SGCZ: variants seen among roughly 807,000 people sequenced by gnomAD.
The protein encoded by SGCZ is sarcoglycan zeta.
Under a neutral mutation model 41.3 loss-of-function variants are expected in SGCZ, and 40 were observed. The ratio of observed to expected loss-of-function variants is 0.97; its 90% CI spans 0.75 to 1.26. The LOEUF (loss-of-function observed/expected upper bound fraction) is 1.26, where lower values mean the gene tolerates loss of function less well. SGCZ is among the 50% of genes most tolerant of loss of function. The probability of loss-of-function intolerance (pLI) is 0.00; values close to 1 mark genes in which losing one functional copy is unlikely to be tolerated. For missense variants in SGCZ, 552 were observed against 369.8 expected (o/e 1.49, Z -4.04); for synonymous variants, 206 against 137.5 (o/e 1.50, Z -3.49).
At chr8:14,660,567 A>G (rs1310148428) in intron 1 of SGCZ, among the ~76,000 whole-genome samples, 1 of 114,918 alleles carries the variant, frequency 8.7e-6, no homozygotes, top group South Asian at 2.8e-4. Flanking sequence ...CAAAAACTCC[A>G]TCTCAAAAAA....
chr8:14,340,862 G>C (rs548136921), intron 2 of SGCZ, among the ~76,000 whole-genome samples: 34 of 152,218 alleles, frequency 2.2e-4, no homozygotes, highest in African/African-American at 8.2e-4. Flanking sequence ...ACAATGCTGA[G>C]TAACCATCAT....
At chr8:14,739,041 T>C (rs1054706906) in intron 1 of SGCZ, among the ~76,000 whole-genome samples, 2 of 152,112 alleles carry the variant, frequency 1.3e-5, no homozygotes, top group East Asian at 1.9e-4. Flanking sequence ...TTGTGGAGTA[T>C]AGAATGTACC....
intron 1 of SGCZ, among the ~76,000 whole-genome samples, chr8:14,680,963 GGA>G (rs1491447083): frequency 0.037 from 3,900 of 106,180 alleles, 140 homozygotes; most frequent in South Asian, 0.11. Flanking sequence ...AAAAAGAGTG[GGA>G]AAAAAAAAAA....
intron 5 of SGCZ, among the ~76,000 whole-genome samples, chr8:14,132,843 T>C (rs1803083262): frequency 1.3e-5 from 2 of 152,184 alleles, no homozygotes; most frequent in Admixed American, 1.3e-4. Flanking sequence ...GTTTTTGTTG[T>C]TGTTGACACT....
At chr8:15,198,207 C>A (rs1194550660) in intron 1 of SGCZ, among the ~76,000 whole-genome samples, 1 of 151,440 alleles carries the variant, frequency 6.6e-6, no homozygotes, top group East Asian at 1.9e-4. Context: ...TAAAGCTAAG[C>A]AAGTGTAGCT....
intron 1 of SGCZ, among the ~76,000 whole-genome samples, chr8:14,971,371 C>T (rs1410744926): frequency 2.0e-5 from 3 of 152,066 alleles, no homozygotes; most frequent in South Asian, 2.1e-4. Flanking sequence ...AAAAGCATTA[C>T]GTCTTTCATC....
chr8:14,858,794 T>A (rs1251111277), intron 1 of SGCZ, among the ~76,000 whole-genome samples: 1 of 152,168 alleles, frequency 6.6e-6, no homozygotes, highest in East Asian at 1.9e-4. Context: ...CATTATATGA[T>A]ATCAAAATGT....
chr8:14,593,557 G>A (rs1458075480), intron 1 of SGCZ, among the ~76,000 whole-genome samples: 1 of 152,128 alleles, frequency 6.6e-6, no homozygotes, highest in Non-Finnish European at 1.5e-5. Flanking sequence ...TCATGTCACA[G>A]GTATTAATTT....
chr8:14,651,202 T>C lies in SGCZ; in HGVS notation c.40-96276A>G, dbSNP rs982957666. On this transcript the variant is annotated intron_variant, in intron 1 of 7. Coordinates refer to ENST00000382080, the MANE Select transcript of SGCZ (RefSeq NM_139167.4). ...CACTATGAGATAAACAAAATATCAA[T>C]CAGATATGAAAAAGTAGATTGCTCC... Among the ~76,000 whole-genome samples the C allele has an allele frequency of 3.3e-5, 5 of 152,114 alleles. 1 individual carries two copies. In the East Asian group the frequency reaches 9.7e-4, roughly 29 times the overall value.
chr8:14,380,261 C>T (rs893453183), intron 2 of SGCZ, among the ~76,000 whole-genome samples: 4 of 152,160 alleles, frequency 2.6e-5, no homozygotes, highest in African/African-American at 9.7e-5. Context: ...GACACTGTCA[C>T]ATCCATTGAT....
intron 1 of SGCZ, among the ~76,000 whole-genome samples, chr8:15,052,282 T>A (rs1443818600): frequency 6.6e-6 from 1 of 151,636 alleles, no homozygotes; most frequent in African/African-American, 2.4e-5. Flanking sequence ...GGAGAGTGAG[T>A]TTCCAAGTAC....
chr8:14,280,371 G>A (rs921396107), intron 3 of SGCZ, among the ~76,000 whole-genome samples: 2 of 151,710 alleles, frequency 1.3e-5, no homozygotes, highest in Non-Finnish European at 3.0e-5. Context: ...ATGATTAAGT[G>A]TTTATAACCT....
intron 3 of SGCZ, among the ~76,000 whole-genome samples, chr8:14,254,809 T>G (rs895918176): frequency 5.3e-5 from 8 of 152,134 alleles, no homozygotes; most frequent in Non-Finnish European, 1.0e-4. Flanking sequence ...ATGTGAGTGA[T>G]CAATTTACTA....
Position 14,892,930 on chromosome 8 carries a change from A to T in SGCZ, c.40-338004T>A, listed in dbSNP as rs116811325. 8.8e-3 allele frequency among the ~76,000 whole-genome samples: 1,333 copies of T among 152,258 alleles called. 15 individuals are homozygous for T. Among genetic ancestry groups the T allele is most frequent in the African/African-American group, 0.03 (1,255 of 41,558 alleles). ...TTAGACCAAGAAGTTTGCACACCAG[A>T]AACAAAAACTACTAAAACAAGGGCC... On this transcript the variant is annotated intron_variant, in intron 1 of 7. Coordinates refer to ENST00000382080, the MANE Select transcript of SGCZ (RefSeq NM_139167.4).
intron 1 of SGCZ, among the ~76,000 whole-genome samples, chr8:14,850,644 A>T (rs1428736901): frequency 6.6e-6 from 1 of 152,190 alleles, no homozygotes; most frequent in African/African-American, 2.4e-5. Context: ...AACATGTATG[A>T]CATGGTTAGG....
Position 14,208,010 on chromosome 8 carries a change from T to A in SGCZ, c.424+29582A>T, listed in dbSNP as rs75348298. On this transcript the variant is annotated intron_variant, in intron 4 of 7. Transcript: ENST00000382080. ...TCTTTATACACACTATGATGGACTATTAATGTTTCTTCCCTACAAACAGAA... is the reference window on the plus strand; with the variant it reads ...TCTTTATACACACTATGATGGACTAATAATGTTTCTTCCCTACAAACAGAA... 6.4e-3 allele frequency among the ~76,000 whole-genome samples: 972 copies of A among 152,278 alleles called. 8 individuals are homozygous for A. Among genetic ancestry groups the A allele is most frequent in the South Asian group, 0.019 (90 of 4,824 alleles).
chr8:14,205,859 G>A (rs571823799), intron 4 of SGCZ, among the ~76,000 whole-genome samples: 1 of 152,034 alleles, frequency 6.6e-6, no homozygotes, highest in East Asian at 1.9e-4. Context: ...TGAAATTTAG[G>A]AAGATATTTT....
At chr8:14,586,308 G>A (rs1276579445) in intron 1 of SGCZ, among the ~76,000 whole-genome samples, 3 of 151,922 alleles carry the variant, frequency 2.0e-5, no homozygotes, top group Non-Finnish European at 4.4e-5. Flanking sequence ...CTACCTCCTG[G>A]GCTCAAGTGA....
chr8:14,424,601 T>A (rs1028650560), intron 2 of SGCZ, among the ~76,000 whole-genome samples: 1 of 149,964 alleles, frequency 6.7e-6, no homozygotes. Flanking sequence ...TTCATATATT[T>A]TTTACTTAAC....
Sources: gnomAD v4.1 joint callset for allele counts (sites outside exome capture counted in the v4.1 genomes callset) on GRCh38, gnomAD v4.1.1 for gene constraint, MANE v1.5 for transcripts, NCBI Gene and HGNC (gene_info 2026-07-23, HGNC 2026-07-21) for gene names.